The following APPL2 variants were observed in gnomAD, a reference collection of about 807,000 sequenced individuals.
The protein encoded by APPL2 is DCC-interacting protein 13-beta.
APPL2 carries 84 observed loss-of-function variants against 92.7 expected under a neutral mutation model. The observed-to-expected ratio is 0.91, with a 90% CI of 0.76 to 1.09. The LOEUF is 1.09. Ranked by LOEUF, APPL2 falls within the 50% of genes least tolerant of loss-of-function variation. The pLI is 0.00. For missense variants in APPL2, 736 were observed against 824.5 expected (o/e 0.89, Z 1.31); for synonymous variants, 291 against 291.0 (o/e 1.00, Z 0.00).
chr12:105,175,969 ACT>A (rs1326923931), intron 20 of APPL2, 64 bp downstream of exon 20: 1 of 1,406,584 alleles, frequency 7.1e-7, no homozygotes, highest in Admixed American at 2.8e-5. Flanking sequence ...TTTTGAAAAG[ACT>A]CTTGGTATGT....
At chr12:105,198,044 AT>A in intron 10 of APPL2, 91 bp from the exon 11 acceptor site, 1 of 1,279,100 alleles carries the variant, frequency 7.8e-7, no homozygotes, top group Non-Finnish European at 1.1e-6. Context: ...TACTGGTGGC[AT>A]TTTAGAAATA....
intron 5 of APPL2, among the ~76,000 whole-genome samples, chr12:105,209,171 C>A (rs1014109596): frequency 6.6e-6 from 1 of 151,958 alleles, no homozygotes; most frequent in African/African-American, 2.4e-5. Flanking sequence ...TCTCTTCATT[C>A]AGATTATGTA....
chr12:105,232,956 C>T, intron 1 of APPL2: 6 of 448,576 alleles, frequency 1.3e-5, no homozygotes, highest in Non-Finnish European at 1.8e-5. Context: ...CCGGGCCACT[C>T]AACTGCATAA....
At chr12:105,178,122 G>A (rs2135885332) in intron 17 of APPL2, among the ~76,000 whole-genome samples, 1 of 152,208 alleles carries the variant, frequency 6.6e-6, no homozygotes, top group African/African-American at 2.4e-5. Flanking sequence ...AGTATTTTAA[G>A]CATCATCTAA....
intron 9 of APPL2, among the ~76,000 whole-genome samples, chr12:105,202,269 C>A (rs1888277351): frequency 6.6e-6 from 1 of 152,140 alleles, no homozygotes. Flanking sequence ...GGGCGCAGAC[C>A]CTGACGTTAA....
chr12:105,203,766 C>G lies in APPL2; in HGVS notation c.641G>C (p.Gly214Ala). The change falls in exon 9 of 21, where the codon GGA becomes GCA. Residue 214 changes from glycine (G) to alanine (A), a missense_variant. Transcript: ENST00000258530. ...CATACGTTTGGAAAACATCTCTGCT[C>G]CCTTCTTAAAAAAGTTAATCTGAAA... ...AHGQINFFKKGAEMFSKRMDS... is the reference protein window; with the variant it reads ...AHGQINFFKKAAEMFSKRMDS... 15 of 1,613,854 alleles carry G rather than the reference C, an allele frequency of 9.3e-6. No individual in the cohort carries two copies. Among genetic ancestry groups the G allele is most frequent in the Non-Finnish European group, 1.3e-5 (15 of 1,179,708 alleles).
At chr12:105,178,077 C>T (rs1885725740) in intron 17 of APPL2, among the ~76,000 whole-genome samples, 1 of 152,166 alleles carries the variant, frequency 6.6e-6, no homozygotes, top group Non-Finnish European at 1.5e-5. Flanking sequence ...AGGCATGAAC[C>T]ACCGCGCCAG....
chr12:105,176,051 AT>A lies in APPL2; in HGVS notation c.1843del (p.Ile615LeufsTer14). The A allele has an allele frequency of 1.9e-6, 3 of 1,592,542 alleles. No homozygotes were observed. Among genetic ancestry groups the A allele is most frequent in the Non-Finnish European group, 2.6e-6 (3 of 1,172,506 alleles). ...GCATCTTACCTTCTGAACCTCAATAATTTCTTTTCCCAAATTAATAGCATAA... is the reference window on the plus strand; with the variant it reads ...GCATCTTACCTTCTGAACCTCAATAATTCTTTTCCCAAATTAATAGCATAA... Reference protein sequence around the residue: ...ICYAINLGKEIIEVQKDPEAL... With the variant: ...ICYAINLGKEXIEVQKDPEAL... On this transcript the variant is annotated frameshift_variant, in exon 20 of 21. Coordinates refer to ENST00000258530, the MANE Select transcript of APPL2 (RefSeq NM_018171.5). LOFTEE classifies it high-confidence loss of function.
intron 17 of APPL2, among the ~76,000 whole-genome samples, chr12:105,180,956 T>TTTCTCTTGCC (rs1886054499): frequency 6.6e-6 from 1 of 152,150 alleles, no homozygotes; most frequent in Non-Finnish European, 1.5e-5. Context: ...CCCTCATTGC[T>TTTCTCTTGCC]TTCTCTTGCC....
rs3838812 is a variant in APPL2 at position 105,203,010 on chromosome 12, T to TACACACAC, written c.704+685_704+692dup. 1.9e-3 allele frequency among the ~76,000 whole-genome samples: 273 copies of TACACACAC among 146,070 alleles called. 5 individuals are homozygous for TACACACAC. The East Asian group carries it at 0.019, about 10-fold the overall frequency. ...ATTTCCATTTTGTCTATTTGTCAAC[T>TACACACAC]ACACACACACACACACACACACACA... On this transcript the variant is annotated intron_variant, in intron 9 of 20. Coordinates refer to ENST00000258530, the MANE Select transcript of APPL2 (RefSeq NM_018171.5).
At chr12:105,198,586 C>T (rs1380417819) in intron 10 of APPL2, among the ~76,000 whole-genome samples, 2 of 152,210 alleles carry the variant, frequency 1.3e-5, no homozygotes, top group African/African-American at 4.8e-5. Context: ...ATGGACCCTC[C>T]ACTGGGGGTT....
At chr12:105,182,337 C>A (rs1391214546) in intron 17 of APPL2, among the ~76,000 whole-genome samples, 1 of 152,194 alleles carries the variant, frequency 6.6e-6, no homozygotes, top group Non-Finnish European at 1.5e-5. Context: ...CCTTCTAGTT[C>A]TTTTAATTGT....
At chr12:105,210,086 G>A (rs527898758) in intron 5 of APPL2, among the ~76,000 whole-genome samples, 1 of 151,742 alleles carries the variant, frequency 6.6e-6, no homozygotes, top group Admixed American at 6.6e-5. Context: ...TCAGCCTCCC[G>A]AGTAGCTGGG....
intron 17 of APPL2, among the ~76,000 whole-genome samples, chr12:105,178,807 C>T (rs982109690): frequency 4.6e-5 from 7 of 152,150 alleles, no homozygotes; most frequent in African/African-American, 1.2e-4. Context: ...GTTACTTTTA[C>T]GTCCCTATTA....
rs1324149419 is a variant in APPL2, at chr12:105,195,438, T to C, written c.1152+7A>G. 6.2e-7 allele frequency: 1 copy of C among 1,614,064 alleles called. No individual in the cohort carries two copies. Among genetic ancestry groups the C allele is most frequent in the Non-Finnish European group, 8.5e-7 (1 of 1,180,050 alleles). On this transcript the variant is annotated splice_region_variant and intron_variant, in intron 13 of 20. Transcript: ENST00000258530. ...AAAGGGCTGAGATGCCGGTGGCTGATAATTACCTCAGGGTTGTCGGTCAGG... is the reference window on the plus strand; with the variant it reads ...AAAGGGCTGAGATGCCGGTGGCTGACAATTACCTCAGGGTTGTCGGTCAGG...
chr12:105,236,034 G>A lies in APPL2; in HGVS notation c.-22C>T, dbSNP rs201742407. On this transcript the variant is annotated 5_prime_UTR_variant, in exon 1 of 21. Coordinates refer to ENST00000258530, the MANE Select transcript of APPL2 (RefSeq NM_018171.5). ...GCATGGTGCGGCGCGGCTCAGCCGA[G>A]GGCTGGGTTGGAAGGACAGAGGGCA... The A allele has an allele frequency of 6.5e-6, 8 of 1,239,442 alleles. No individual in the cohort carries two copies. Among genetic ancestry groups the A allele is most frequent in the Non-Finnish European group, 8.1e-6 (8 of 984,666 alleles). The allele number at this position is 1,239,442 out of a possible 1,614,324, so 76.8% of individuals were successfully genotyped here.
chr12:105,195,273 C>T lies in APPL2; in HGVS notation c.1229G>A (p.Ser410Asn). Reference protein sequence around the residue: ...PITSFGKKQESSCPSQNLKNS... With the variant: ...PITSFGKKQENSCPSQNLKNS... ...GTCCTTTAGTTACCTGGGGCATGAGCTTTCTTGTTTTTTTCCAAAACTTGT... is the reference window on the plus strand; with the variant it reads ...GTCCTTTAGTTACCTGGGGCATGAGTTTTCTTGTTTTTTTCCAAAACTTGT... Residue 410 changes from serine to asparagine, a missense_variant, in exon 14 of 21, where the codon AGC (serine) becomes AAC (asparagine). Transcript: ENST00000258530. 6.2e-7 allele frequency: 1 copy of T among 1,614,176 alleles called. No homozygotes were observed. Among genetic ancestry groups the T allele is most frequent in the Non-Finnish European group, 8.5e-7 (1 of 1,180,022 alleles).
At position 105,174,278 on chromosome 12, in the gene APPL2, C is replaced by A. The variant is rs761951826; in HGVS notation, c.*36G>T. ...TTAAAACCCTTAGGAGGTAGCTCTC[C>A]TTCCTGTTTGCTCTTCCCCCACAGG... On this transcript the variant is annotated 3_prime_UTR_variant, in exon 21 of 21. Coordinates refer to ENST00000258530, the MANE Select transcript of APPL2 (RefSeq NM_018171.5). 1.2e-6 allele frequency: 2 copies of A among 1,609,566 alleles called. No homozygotes were observed. Among genetic ancestry groups the A allele is most frequent in the Non-Finnish European group, 1.7e-6 (2 of 1,177,870 alleles).
chr12:105,209,007 G>A (rs1032037620), intron 5 of APPL2, among the ~76,000 whole-genome samples: 4 of 151,922 alleles, frequency 2.6e-5, no homozygotes, highest in African/African-American at 9.7e-5. Flanking sequence ...AATGCTCTTC[G>A]CGTTATTCAT....
Sources: gnomAD v4.1 joint callset for allele counts (sites outside exome capture counted in the v4.1 genomes callset) on GRCh38, gnomAD v4.1.1 for gene constraint, MANE v1.5 for transcripts, NCBI Gene and HGNC (gene_info 2026-07-23, HGNC 2026-07-21) for gene names.